MAP3K7: variants seen among roughly 807,000 people sequenced by gnomAD.
MAP3K7 encodes mitogen-activated protein kinase kinase kinase 7.
MAP3K7 carries 21 observed loss-of-function variants against 84.8 expected under a neutral mutation model. That is an observed-to-expected ratio of 0.25 (90% CI 0.18 to 0.36). The LOEUF is 0.36. MAP3K7 is among the 10% of genes least tolerant of loss of function. MAP3K7 has a pLI of 1.00. For missense variants in MAP3K7, 503 were observed against 747.7 expected (o/e 0.67, Z 3.82); for synonymous variants, 241 against 247.7 (o/e 0.97, Z 0.25).
intron 13 of MAP3K7, among the ~76,000 whole-genome samples, chr6:90,531,183 T>A (rs1334893649): frequency 6.6e-6 from 1 of 152,150 alleles, no homozygotes; most frequent in African/African-American, 2.4e-5. Context: ...AATTTATCCC[T>A]ATATTTATAA....
At chr6:90,581,680 G>C (rs181763227) in intron 1 of MAP3K7, among the ~76,000 whole-genome samples, 2 of 152,190 alleles carry the variant, frequency 1.3e-5, no homozygotes, top group East Asian at 3.9e-4. Flanking sequence ...AATTATCTCT[G>C]TAGCTACCTC....
At position 90,586,915 on chromosome 6, in the gene MAP3K7, C is replaced by G. The variant is rs1283461746; in HGVS notation, c.-32G>C. ...TCGCGGCGCCCGGTGGGGCCGGGAA[C>G]GGTGCCACCCGGACAATCCGGGTGA... On this transcript the variant is annotated 5_prime_UTR_variant, in exon 1 of 17. Coordinates refer to ENST00000369329, the MANE Select transcript of MAP3K7 (RefSeq NM_145331.3). The G allele has an allele frequency of 1.9e-6, 3 of 1,585,764 alleles. No homozygotes were observed. Among genetic ancestry groups the G allele is most frequent in the Admixed American group, 3.6e-5 (2 of 55,824 alleles).
intron 16 of MAP3K7, among the ~76,000 whole-genome samples, chr6:90,517,188 GA>G (rs1308302797): frequency 1.3e-5 from 2 of 151,750 alleles, no homozygotes; most frequent in African/African-American, 4.8e-5. Context: ...AAAGCAGTGA[GA>G]AAAATGACAA....
intron 9 of MAP3K7, among the ~76,000 whole-genome samples, chr6:90,549,514 A>G (rs1177632400): frequency 6.6e-6 from 1 of 152,190 alleles, no homozygotes; most frequent in Non-Finnish European, 1.5e-5. Flanking sequence ...CAAGCTTGAG[A>G]GAGAGGCTAG....
intron 16 of MAP3K7, 139 bp downstream of exon 16, chr6:90,518,308 A>T (rs1006289092): frequency 2.3e-5 from 13 of 567,302 alleles, no homozygotes; most frequent in African/African-American, 5.7e-5. Context: ...AATTTTTAGT[A>T]AAAGGGTGCT....
chr6:90,550,635 T>C lies in MAP3K7; in HGVS notation c.868-86A>G, dbSNP rs1319471108. ...AATGTTTTATTTTCCCTAAGTTATA[T>C]ACTAAATTTGTAGGTGCCTAAGTTT... On this transcript the variant is annotated intron_variant, in intron 8 of 16. Coordinates refer to ENST00000369329, the MANE Select transcript of MAP3K7 (RefSeq NM_145331.3). 8 of 805,174 alleles carry C rather than the reference T, an allele frequency of 9.9e-6. No individual in the cohort carries two copies. The Admixed American group carries it at 1.3e-4, about 13-fold the overall frequency. The allele number at this position is 805,174 out of a possible 1,614,324, so 49.9% of individuals were successfully genotyped here.
chr6:90,583,641 T>C (rs1582251797), intron 1 of MAP3K7, among the ~76,000 whole-genome samples: 1 of 152,350 alleles, frequency 6.6e-6, no homozygotes, highest in East Asian at 1.9e-4. Flanking sequence ...TTAAATGATC[T>C]TGTTCAGTCA....
At chr6:90,566,102 A>G (rs548471761) in intron 3 of MAP3K7, among the ~76,000 whole-genome samples, 1 of 152,330 alleles carries the variant, frequency 6.6e-6, no homozygotes, top group African/African-American at 2.4e-5. Flanking sequence ...CCCACAGCCA[A>G]TATCATCCTG....
At chr6:90,547,026 G>A (rs533124202) in intron 11 of MAP3K7, among the ~76,000 whole-genome samples, 1 of 152,260 alleles carries the variant, frequency 6.6e-6, no homozygotes, top group Admixed American at 6.5e-5. Flanking sequence ...ATCTGTAAAT[G>A]AGGAAGGCAT....
intron 3 of MAP3K7, among the ~76,000 whole-genome samples, chr6:90,567,560 A>C (rs1776751302): frequency 2.0e-5 from 3 of 152,194 alleles, no homozygotes; most frequent in Admixed American, 2.0e-4. Context: ...AAAGTCAGGA[A>C]ACAACAGGTG....
chr6:90,551,737 A>G, intron 8 of MAP3K7: 2 of 211,336 alleles, frequency 9.5e-6, no homozygotes, highest in Non-Finnish European at 1.9e-5. Context: ...GAGACTATCT[A>G]TTTCAGTTTC....
chr6:90,521,700 A>C (rs1280689770), intron 14 of MAP3K7, among the ~76,000 whole-genome samples: 1 of 152,228 alleles, frequency 6.6e-6, no homozygotes, highest in South Asian at 2.1e-4. Context: ...AGCAAAGGTG[A>C]AAATTCTTTA....
At chr6:90,530,033 C>A (rs1444740931) in intron 13 of MAP3K7, among the ~76,000 whole-genome samples, 2 of 152,186 alleles carry the variant, frequency 1.3e-5, no homozygotes, top group African/African-American at 2.4e-5. Context: ...TTTTAGGATA[C>A]TTTTACCCTT....
intron 10 of MAP3K7, among the ~76,000 whole-genome samples, 179 bp downstream of exon 10, chr6:90,547,868 T>C (rs1290023435): frequency 1.3e-5 from 2 of 152,130 alleles, no homozygotes; most frequent in Non-Finnish European, 2.9e-5. Context: ...GGAAAAACCA[T>C]TTGGTAATAA....
At chr6:90,563,128 C>T (rs1048457861) in intron 3 of MAP3K7, among the ~76,000 whole-genome samples, 1 of 152,184 alleles carries the variant, frequency 6.6e-6, no homozygotes, top group African/African-American at 2.4e-5. Context: ...GGGGAGAAAC[C>T]AGAGCAGAAA....
Position 90,515,529 on chromosome 6 carries a change from G to T in MAP3K7, c.*972C>A, listed in dbSNP as rs1215156140. 1 of 147,490 alleles carries T rather than the reference G, an allele frequency of 6.8e-6. No homozygotes were observed. Among genetic ancestry groups the T allele is most frequent in the East Asian group, 2.0e-4 (1 of 5,060 alleles). 9.1% of individuals were successfully genotyped at this position (147,490 alleles called of 1,614,324 possible). ...TCTTTAACTTCCTTCTGATTTGCCT[G>T]GTTTATTTCTCATTTGGTATCATAA... On this transcript the variant is annotated 3_prime_UTR_variant, in exon 17 of 17. Coordinates refer to ENST00000369329, the MANE Select transcript of MAP3K7 (RefSeq NM_145331.3).
intron 1 of MAP3K7, among the ~76,000 whole-genome samples, chr6:90,576,899 C>T (rs914836743): frequency 2.0e-5 from 3 of 152,122 alleles, no homozygotes; most frequent in Admixed American, 6.5e-5. Context: ...AGGTTGGATC[C>T]TGAACGGCTC....
chr6:90,537,391 G>C (rs1469733522), intron 12 of MAP3K7, among the ~76,000 whole-genome samples: 1 of 151,962 alleles, frequency 6.6e-6, no homozygotes, highest in African/African-American at 2.4e-5. Context: ...TAGACTTCCA[G>C]AATCTTTCGT....
intron 4 of MAP3K7, among the ~76,000 whole-genome samples, chr6:90,560,938 T>C (rs1372715967): frequency 6.6e-6 from 1 of 152,174 alleles, no homozygotes; most frequent in African/African-American, 2.4e-5. Context: ...CTGTATTTTC[T>C]GTAATGGCTA....
Sources: gnomAD v4.1 joint callset for allele counts (sites outside exome capture counted in the v4.1 genomes callset) on GRCh38, gnomAD v4.1.1 for gene constraint, MANE v1.5 for transcripts, NCBI Gene and HGNC (gene_info 2026-07-23, HGNC 2026-07-21) for gene names.